ULK4: variants seen among roughly 807,000 people sequenced by gnomAD.
The protein encoded by ULK4 is unc-51 like kinase 4, also known as inactive serine/threonine-protein kinase ULK4.
A neutral mutation model predicts 160.6 loss-of-function variants in ULK4; 133 were observed. That is an observed-to-expected ratio of 0.83 (90% CI 0.72 to 0.96). The LOEUF is 0.96. Ranked by LOEUF, ULK4 falls within the 40% of genes least tolerant of loss-of-function variation. The pLI, the probability that ULK4 is intolerant of heterozygous loss-of-function variation, is 0.00. For synonymous variants in ULK4, 534 were observed against 539.8 expected, an observed-to-expected ratio of 0.99 and a Z score of 0.15; for missense variants, 1,580 against 1,499.5, an observed-to-expected ratio of 1.05 and a Z score of -0.89.
intron 35 of ULK4, among the ~76,000 whole-genome samples, chr3:41,350,379 T>G (rs2080885977): frequency 6.6e-6 from 1 of 152,200 alleles, no homozygotes. Context: ...TCATTGGAAG[T>G]TTATTACCTT....
At chr3:41,911,459 A>G in intron 10 of ULK4, 73 bp from the exon 11 acceptor site, 2 of 1,588,320 alleles carry the variant, frequency 1.3e-6, no homozygotes, top group Admixed American at 3.3e-5. Context: ...GTACACAAAG[A>G]TTTAAAGGGA....
chr3:41,657,428 C>A (rs934874427), intron 30 of ULK4, among the ~76,000 whole-genome samples: 4 of 152,054 alleles, frequency 2.6e-5, no homozygotes, highest in Non-Finnish European at 5.9e-5. Flanking sequence ...AATTAATAAG[C>A]AAGTTAAGTT....
intron 17 of ULK4, among the ~76,000 whole-genome samples, chr3:41,866,415 T>C (rs1372364940): frequency 6.6e-6 from 1 of 152,192 alleles, no homozygotes; most frequent in Admixed American, 6.5e-5. Context: ...GGGGATGGTT[T>C]TGGGATGAAA....
At chr3:41,936,488 CTTT>C (rs1045232691) in intron 3 of ULK4, among the ~76,000 whole-genome samples, 5 of 151,990 alleles carry the variant, frequency 3.3e-5, no homozygotes, top group African/African-American at 9.7e-5. Flanking sequence ...CAGAAATAAA[CTTT>C]TTTTTAAAGG....
intron 35 of ULK4, among the ~76,000 whole-genome samples, chr3:41,365,444 T>C (rs947716944): frequency 6.6e-6 from 1 of 152,184 alleles, no homozygotes; most frequent in African/African-American, 2.4e-5. Context: ...AGACAACTAA[T>C]GTTTTTGCTG....
intron 30 of ULK4, among the ~76,000 whole-genome samples, chr3:41,638,475 G>A (rs1169849819): frequency 6.6e-6 from 1 of 152,164 alleles, no homozygotes. Context: ...TGTCACCGAG[G>A]CATTGGCATC....
In ULK4 at chr3:41,528,409, T is replaced by A. The variant is rs548455361; in HGVS notation, c.3226+37616A>T. 1.2e-4 allele frequency among the ~76,000 whole-genome samples: 19 copies of A among 152,336 alleles called. No homozygotes were observed. The South Asian group carries it at 3.3e-3, about 27-fold the overall frequency. On this transcript the variant is annotated intron_variant, in intron 32 of 36. Transcript: ENST00000301831. ...AAACAGACATTTATATATAAGGAAT[T>A]CATTTTGTAGCCTACTTGTAAGATA... is the stretch of plus-strand genomic sequence containing the variant.
At chr3:41,473,887 G>A (rs1310993997) in intron 32 of ULK4, among the ~76,000 whole-genome samples, 2 of 152,006 alleles carry the variant, frequency 1.3e-5, no homozygotes, top group African/African-American at 4.8e-5. Context: ...TGGATTGGAG[G>A]AATTAATATT....
chr3:41,875,004 T>C (rs980153945), intron 17 of ULK4, among the ~76,000 whole-genome samples: 1 of 151,958 alleles, frequency 6.6e-6, no homozygotes, highest in African/African-American at 2.4e-5. Flanking sequence ...TGAGACACCA[T>C]CTCTACTAAA....
At chr3:41,627,662 T>C (rs1025087485) in intron 30 of ULK4, among the ~76,000 whole-genome samples, 2 of 152,230 alleles carry the variant, frequency 1.3e-5, no homozygotes, top group Non-Finnish European at 2.9e-5. Flanking sequence ...GCTAATCTTA[T>C]AAACTCAAAG....
chr3:41,390,157 T>G (rs558573993), intron 35 of ULK4, among the ~76,000 whole-genome samples: 11 of 152,272 alleles, frequency 7.2e-5, no homozygotes, highest in South Asian at 2.1e-4. Flanking sequence ...GTTTATTTGC[T>G]TAGAGGTATT....
intron 8 of ULK4, among the ~76,000 whole-genome samples, chr3:41,915,161 C>G (rs775402494): frequency 1.3e-5 from 2 of 152,134 alleles, no homozygotes; most frequent in Admixed American, 6.6e-5. Context: ...TACATCCTAT[C>G]AAAAGATGTC....
intron 22 of ULK4, among the ~76,000 whole-genome samples, chr3:41,746,948 G>A (rs539566097): frequency 2.7e-4 from 41 of 151,900 alleles, no homozygotes; most frequent in African/African-American, 9.7e-4. Context: ...ATATCCACAG[G>A]CAAAAACCAA....
intron 34 of ULK4, among the ~76,000 whole-genome samples, chr3:41,430,561 G>A (rs914528973): frequency 1.3e-5 from 2 of 152,120 alleles, no homozygotes; most frequent in Admixed American, 6.5e-5. Context: ...CAGCTACAAT[G>A]AAATTGTTGG....
intron 35 of ULK4, among the ~76,000 whole-genome samples, chr3:41,343,222 G>A (rs1394880441): frequency 1.4e-5 from 2 of 146,774 alleles, no homozygotes; most frequent in Non-Finnish European, 3.0e-5. Flanking sequence ...TAGGAAAAGA[G>A]AAAGTCAAAC....
At chr3:41,552,362 C>G (rs1270127695) in intron 32 of ULK4, among the ~76,000 whole-genome samples, 1 of 151,840 alleles carries the variant, frequency 6.6e-6, no homozygotes, top group Admixed American at 6.6e-5. Context: ...CTAAAAATAA[C>G]TAAACACTCC....
chr3:41,435,234 G>A (rs1454590689), intron 34 of ULK4, among the ~76,000 whole-genome samples: 1 of 152,192 alleles, frequency 6.6e-6, no homozygotes, highest in Non-Finnish European at 1.5e-5. Flanking sequence ...AACCAGCCAT[G>A]CTCCTGATGG....
At chr3:41,725,065 C>A (rs1289563988) in intron 22 of ULK4, among the ~76,000 whole-genome samples, 1 of 152,008 alleles carries the variant, frequency 6.6e-6, no homozygotes, top group Non-Finnish European at 1.5e-5. Context: ...TGTGGCTTAC[C>A]TTTTTACTCT....
intron 35 of ULK4, among the ~76,000 whole-genome samples, chr3:41,307,965 C>A (rs1358964034): frequency 6.6e-6 from 1 of 152,068 alleles, no homozygotes; most frequent in Non-Finnish European, 1.5e-5. Flanking sequence ...TTTTGCTACC[C>A]AAAAGCTTGA....
Sources: gnomAD v4.1 joint callset for allele counts (sites outside exome capture counted in the v4.1 genomes callset) on GRCh38, gnomAD v4.1.1 for gene constraint, MANE v1.5 for transcripts, NCBI Gene and HGNC (gene_info 2026-07-23, HGNC 2026-07-21) for gene names.